Variants in UPF3B observed in about 807,000 individuals in gnomAD.
The protein encoded by UPF3B is UPF3B regulator of nonsense mediated mRNA decay, also known as regulator of nonsense transcripts 3B.
UPF3B carries 7 observed loss-of-function variants against 40.3 expected under a neutral mutation model. The observed-to-expected ratio is 0.17, with a 90% confidence interval of 0.10 to 0.33. UPF3B has a LOEUF of 0.33. UPF3B is among the 10% of genes least tolerant of loss of function. The probability of loss-of-function intolerance (pLI) is 1.00; values close to 1 mark genes in which losing one functional copy is unlikely to be tolerated. For synonymous variants in UPF3B, 117 were observed against 117.3 expected (o/e 1.00, Z 0.01); for missense variants, 229 against 358.9 (o/e 0.64, Z 2.93).
chrX:119,838,050 G>C lies in UPF3B; in HGVS notation c.1009C>G (p.Pro337Ala). Residue 337 changes from proline (P) to alanine (A), a missense_variant and splice_region_variant, in exon 10 of 11, where the codon CCT becomes GCT. By Grantham distance (27) the Pro-to-Ala change is conservative. Around this residue, in one of 3 missense-constraint regions of UPF3B, gnomAD observed 119 missense variants for 153.8 expected, o/e 0.77. Coordinates refer to ENST00000276201, the MANE Select transcript of UPF3B (RefSeq NM_080632.3). ...TAGTCTCTGCCGCTCTCATCTTCAGGTCTGCATGAAAAACAAATCTGAGAC... is the reference window on the plus strand; with the variant it reads ...TAGTCTCTGCCGCTCTCATCTTCAGCTCTGCATGAAAAACAAATCTGAGAC... The part of the protein sequence containing the change: ...SELKDEKPKR[P>A]EDESGRDYRE... 1 of 1,209,784 alleles carries C rather than the reference G, an allele frequency of 8.3e-7. No individual in the cohort carries two copies. Among genetic ancestry groups the C allele is most frequent in the Non-Finnish European group, 1.1e-6 (1 of 895,233 alleles).
chrX:119,841,012 A>C lies in UPF3B; in HGVS notation c.807+64T>G. 2.7e-6 allele frequency: 3 copies of C among 1,129,393 alleles called. No homozygotes were observed. In the Admixed American group the frequency reaches 6.8e-5, roughly 26 times the overall value. 93.1% of individuals were successfully genotyped at this position (1,129,393 alleles called of 1,213,427 possible). A position where few individuals can be genotyped will look rare whatever the true frequency, so the allele number is the denominator to read the frequency against. ...ATTTACACCAACACAAGACGCATGC[A>C]TATTTAAAGAAGTAGATACGTGCAA... On this transcript the variant is annotated intron_variant, in intron 7 of 10. Transcript: ENST00000276201.
At position 119,842,737 on chromosome X, in the gene UPF3B, T is replaced by C. The variant is rs1273784063; in HGVS notation, c.580+454A>G. Among the ~76,000 whole-genome samples, 43 of 111,103 alleles carry C rather than the reference T, an allele frequency of 3.9e-4. 1 individual carries two copies. Among genetic ancestry groups the C allele is most frequent in the Admixed American group, 3.8e-3 (39 of 10,288 alleles). The stretch of plus-strand genomic sequence containing the variant: ...TGAGTAGAAATCCTGGGTCAAAGAT[T>C]ATGCTCATGTTTAGAGCTACTGATA... On this transcript the variant is annotated intron_variant, in intron 5 of 10. Transcript: ENST00000276201.
chrX:119,824,563 T>G (rs140584707), intron 3 of UPF3B, among the ~76,000 whole-genome samples: 5,337 of 110,117 alleles, frequency 0.048, 134 homozygotes, highest in Middle Eastern at 0.08. Flanking sequence ...TCAGGAGAAT[T>G]GCTTCTCTTA....
intron 5 of UPF3B, 120 bp from the exon 6 acceptor site, chrX:119,841,898 G>T: frequency 1.9e-6 from 1 of 529,607 alleles, no homozygotes; most frequent in Non-Finnish European, 3.3e-6. Flanking sequence ...TATGCAGAAA[G>T]ATCACAATTG....
downstream of UPF3B, among the ~76,000 whole-genome samples, chrX:119,832,478 T>TA (rs1391351222): frequency 2.7e-5 from 3 of 111,660 alleles, no homozygotes; most frequent in African/African-American, 9.8e-5. Flanking sequence ...AGGCTGGTCT[T>TA]AAACTCCTGA....
intron 5 of UPF3B, among the ~76,000 whole-genome samples, chrX:119,809,221 CTCAT>C (rs2055813179): frequency 9.1e-6 from 1 of 110,253 alleles, no homozygotes; most frequent in Admixed American, 9.7e-5. Flanking sequence ...GTGTGACTCA[CTCAT>C]TATCAGGAGA....
At chrX:119,849,352 C>T (rs551602606) in intron 3 of UPF3B, among the ~76,000 whole-genome samples, 4 of 109,473 alleles carry the variant, frequency 3.7e-5, no homozygotes, top group African/African-American at 1.3e-4. Context: ...ATTAGCTGGG[C>T]GTGGCGGCAC....
At chrX:119,818,557 G>A (rs947413206) in intron 4 of UPF3B, among the ~76,000 whole-genome samples, 6 of 111,760 alleles carry the variant, frequency 5.4e-5, no homozygotes, top group African/African-American at 1.6e-4. Context: ...TCCAGCCTTC[G>A]TGAGAGACTA....
At chrX:119,819,910 C>A (rs1478145771) in intron 4 of UPF3B, among the ~76,000 whole-genome samples, 2 of 95,106 alleles carry the variant, frequency 2.1e-5, no homozygotes, top group Non-Finnish European at 4.2e-5. Flanking sequence ...AGTGGCACGA[C>A]CTTGGCTCAC....
rs756775836 is a variant in UPF3B at position 119,838,271 on chromosome X, T to C, written c.1007+96A>G. On this transcript the variant is annotated intron_variant, in intron 9 of 10. Transcript: ENST00000276201. ...TTCCTCCTCATCCCCCTGCCCTGCATAAAACAGCTTATCTTAATTCAGGTA... is the reference window on the plus strand; with the variant it reads ...TTCCTCCTCATCCCCCTGCCCTGCACAAAACAGCTTATCTTAATTCAGGTA... The C allele has an allele frequency of 9.7e-5, 100 of 1,033,375 alleles. No homozygotes were observed. In the East Asian group the frequency reaches 3.0e-3, roughly 31 times the overall value. 85.2% of individuals were successfully genotyped at this position (1,033,375 alleles called of 1,213,427 possible).
At chrX:119,812,783 G>A (rs1192473507) in intron 5 of UPF3B, among the ~76,000 whole-genome samples, 1 of 111,350 alleles carries the variant, frequency 9.0e-6, no homozygotes, top group East Asian at 2.8e-4. Context: ...AAAAAGAGAT[G>A]AATTCCAAAC....
intron 8 of UPF3B, 148 bp downstream of exon 8, chrX:119,840,498 A>G (rs1409310079): frequency 2.2e-6 from 1 of 463,347 alleles, no homozygotes; most frequent in Non-Finnish European, 3.6e-6. Context: ...TTATAATAAA[A>G]TAGCTCAGCT....
At chrX:119,806,845 G>A (rs1479588885) in intron 6 of UPF3B, among the ~76,000 whole-genome samples, 7 of 108,590 alleles carry the variant, frequency 6.4e-5, no homozygotes, top group Admixed American at 2.0e-4. Flanking sequence ...CGTGGCCAAC[G>A]TGGTGAAACC....
intron 3 of UPF3B, among the ~76,000 whole-genome samples, chrX:119,848,616 C>T (rs1357975873): frequency 1.8e-5 from 2 of 108,908 alleles, no homozygotes; most frequent in African/African-American, 6.6e-5. Context: ...TTTTATGTTA[C>T]GTGTATTTTT....
chrX:119,811,644 CA>C (rs1310033912), intron 5 of UPF3B, among the ~76,000 whole-genome samples: 133 of 70,872 alleles, frequency 1.9e-3, no homozygotes, highest in East Asian at 6.2e-3. Flanking sequence ...GACTCAGTCT[CA>C]AAAAAAAAAA....
intron 3 of UPF3B, among the ~76,000 whole-genome samples, chrX:119,846,836 G>C (rs1416109025): frequency 8.9e-6 from 1 of 112,004 alleles, no homozygotes; most frequent in African/African-American, 3.2e-5. Flanking sequence ...AGAGTGAAAA[G>C]GCAACCCATG....
chrX:119,821,472 G>A (rs1292601253), intron 4 of UPF3B, among the ~76,000 whole-genome samples: 1 of 112,682 alleles, frequency 8.9e-6, no homozygotes, highest in African/African-American at 3.2e-5. Flanking sequence ...ACTTCCAAGA[G>A]GCTAATACAG....
At chrX:119,836,212 G>A (rs1391510167) in intron 10 of UPF3B, among the ~76,000 whole-genome samples, 11 of 110,168 alleles carry the variant, frequency 1.0e-4, no homozygotes, top group African/African-American at 2.0e-4. Context: ...AAAATTAGCC[G>A]GGCATGGTGG....
chrX:119,842,107 G>T (rs1487634491), intron 5 of UPF3B, among the ~76,000 whole-genome samples: 1 of 111,727 alleles, frequency 9.0e-6, no homozygotes, highest in African/African-American at 3.3e-5. Context: ...GAAGAAGTTG[G>T]GGGGAAGGGG....
Sources: allele counts gnomAD v4.1 joint callset (sites outside exome capture counted in the v4.1 genomes callset), GRCh38; gene constraint gnomAD v4.1.1; regional missense constraint gnomAD v4.1.1; transcripts MANE v1.5; gene names NCBI Gene and HGNC (gene_info 2026-07-23, HGNC 2026-07-21).